DCLK2: variants seen among roughly 807,000 people sequenced by gnomAD.
DCLK2 encodes the protein doublecortin like kinase 2, also known as serine/threonine-protein kinase DCLK2.
In DCLK2, 31 loss-of-function variants were observed where a neutral mutation model predicts 78.4. That is an observed-to-expected ratio of 0.40 (90% confidence interval 0.30 to 0.53). The LOEUF (loss-of-function observed/expected upper bound fraction) is 0.53, where lower values mean the gene tolerates loss of function less well. Among genes scored for constraint, DCLK2 ranks in the 20% least tolerant of loss-of-function variants. The probability of loss-of-function intolerance (pLI) is 0.61; values close to 1 mark genes in which losing one functional copy is unlikely to be tolerated. For missense variants in DCLK2, 872 were observed against 973.7 expected, an observed-to-expected ratio of 0.90 and a Z score of 1.39; for synonymous variants, 407 against 374.9, an observed-to-expected ratio of 1.09 and a Z score of -0.99.
intron 4 of DCLK2, among the ~76,000 whole-genome samples, chr4:150,203,523 A>G (rs544927525): frequency 2.0e-5 from 3 of 151,942 alleles, no homozygotes; most frequent in Admixed American, 2.0e-4. Context: ...CGTTCACATC[A>G]CTAATTCCAT....
chr4:150,191,911 T>C (rs1738483318), intron 2 of DCLK2, among the ~76,000 whole-genome samples: 1 of 152,234 alleles, frequency 6.6e-6, no homozygotes. Flanking sequence ...TTCGGAAAAC[T>C]TAACGAATAT....
intron 2 of DCLK2, among the ~76,000 whole-genome samples, chr4:150,156,780 T>C (rs1735310452): frequency 6.6e-6 from 1 of 150,644 alleles, no homozygotes; most frequent in African/African-American, 2.4e-5. Flanking sequence ...TTTATTTATT[T>C]ATTTATTTAT....
intron 2 of DCLK2, among the ~76,000 whole-genome samples, chr4:150,141,315 GATAGTTC>G (rs1734087507): frequency 6.6e-6 from 1 of 152,156 alleles, no homozygotes; most frequent in Non-Finnish European, 1.5e-5. Flanking sequence ...TTGGCACTTG[GATAGTTC>G]CCTGAAAACT....
At chr4:150,100,137 T>G (rs969828190) in intron 1 of DCLK2, among the ~76,000 whole-genome samples, 10 of 152,200 alleles carry the variant, frequency 6.6e-5, no homozygotes, top group African/African-American at 9.6e-5. Flanking sequence ...TGTCTTGAAC[T>G]CCTGGCCTCA....
chr4:150,244,220 C>A (rs1023407812), intron 12 of DCLK2, among the ~76,000 whole-genome samples: 3 of 152,112 alleles, frequency 2.0e-5, no homozygotes, highest in African/African-American at 7.2e-5. Flanking sequence ...TAGGTGTGAG[C>A]CACTGTGCCT....
intron 10 of DCLK2, 113 bp from the exon 11 acceptor site, chr4:150,239,629 C>A: frequency 7.4e-7 from 1 of 1,356,902 alleles, no homozygotes; most frequent in Non-Finnish European, 1.0e-6. Context: ...GGAGAGATTT[C>A]ATTCGAGTTT....
intron 5 of DCLK2, among the ~76,000 whole-genome samples, chr4:150,217,238 C>G (rs1325824604): frequency 1.3e-5 from 2 of 152,172 alleles, no homozygotes; most frequent in African/African-American, 4.8e-5. Context: ...AAAGTCACAG[C>G]TTTATTTCCT....
chr4:150,247,796 G>C (rs1743446615), intron 13 of DCLK2, 97 bp downstream of exon 13: 2 of 932,640 alleles, frequency 2.1e-6, no homozygotes, highest in Non-Finnish European at 3.3e-6. Flanking sequence ...ATTCCAGAAA[G>C]CTCCTTGGCT....
intron 2 of DCLK2, among the ~76,000 whole-genome samples, chr4:150,165,708 TAC>T (rs995472514): frequency 2.0e-5 from 3 of 152,246 alleles, no homozygotes; most frequent in African/African-American, 7.2e-5. Flanking sequence ...TTGTTACATT[TAC>T]AGTGTTACCT....
At chr4:150,184,050 A>G (rs1737723896) in intron 2 of DCLK2, among the ~76,000 whole-genome samples, 1 of 152,140 alleles carries the variant, frequency 6.6e-6, no homozygotes, top group Non-Finnish European at 1.5e-5. Flanking sequence ...CATTTCAATC[A>G]TTATGCATTC....
chr4:150,171,572 A>T (rs958724488), intron 2 of DCLK2, among the ~76,000 whole-genome samples: 5 of 152,262 alleles, frequency 3.3e-5, no homozygotes, highest in Admixed American at 6.5e-5. Flanking sequence ...ATTAAAATTC[A>T]GCATATTTAA....
Position 150,168,859 on chromosome 4 carries a change from C to T in DCLK2, c.757-24279C>T, listed in dbSNP as rs368867611. Reference sequence around the variant, plus strand: ...TCATTCTGACTGTTGAGCTGGTTACCAAGCCAGTTAGCTCAGTTTTCCCAA... The same window carrying T: ...TCATTCTGACTGTTGAGCTGGTTACTAAGCCAGTTAGCTCAGTTTTCCCAA... On this transcript the variant is annotated intron_variant, in intron 2 of 15. Transcript: ENST00000296550. Among the ~76,000 whole-genome samples, 50 of 152,272 alleles carry T rather than the reference C, an allele frequency of 3.3e-4. No individual in the cohort carries two copies. The South Asian group carries it at 0.01, about 31-fold the overall frequency.
At chr4:150,084,076 C>T (rs779208235) in intron 1 of DCLK2, among the ~76,000 whole-genome samples, 1 of 152,244 alleles carries the variant, frequency 6.6e-6, no homozygotes, top group Non-Finnish European at 1.5e-5. Context: ...CCTAGAGGAA[C>T]AGACATTGGA....
chr4:150,246,481 G>A (rs1460750577), intron 12 of DCLK2, among the ~76,000 whole-genome samples: 1 of 152,178 alleles, frequency 6.6e-6, no homozygotes, highest in Non-Finnish European at 1.5e-5. Context: ...CTTTGAGAGG[G>A]TTGGTAGCAA....
At chr4:150,102,370 C>T (rs1390008379) in intron 1 of DCLK2, 108 bp from the exon 2 acceptor site, 5 of 991,788 alleles carry the variant, frequency 5.0e-6, no homozygotes, top group Non-Finnish European at 7.4e-6. Context: ...TTTAGTGAAC[C>T]CACTAAGGTT....
chr4:150,250,183 G>GA (rs982413589), intron 15 of DCLK2, among the ~76,000 whole-genome samples: 1 of 151,956 alleles, frequency 6.6e-6, no homozygotes, highest in African/African-American at 2.4e-5. Context: ...CATAATCAAG[G>GA]AAAAAAATAT....
rs569310427 is a variant in DCLK2, at chr4:150,131,392, A to G, written c.756+28580A>G. On this transcript the variant is annotated intron_variant, in intron 2 of 15. Transcript: ENST00000296550. The stretch of plus-strand genomic sequence containing the variant: ...GTGTGGGAGGTTTTTAAAAAAGTAG[A>G]TATTCTTTGTATGAAGAAAAACTAT... Among the ~76,000 whole-genome samples the G allele has an allele frequency of 3.3e-5, 5 of 152,274 alleles. 1 individual carries two copies. The South Asian group carries it at 1.0e-3, about 32-fold the overall frequency.
intron 2 of DCLK2, among the ~76,000 whole-genome samples, chr4:150,155,135 G>A (rs1023828745): frequency 2.6e-5 from 4 of 152,200 alleles, no homozygotes; most frequent in African/African-American, 9.6e-5. Flanking sequence ...AGGAGGCTGA[G>A]GTAGAAGGAT....
intron 5 of DCLK2, among the ~76,000 whole-genome samples, chr4:150,210,701 A>C (rs944507599): frequency 1.3e-5 from 2 of 152,146 alleles, no homozygotes; most frequent in Admixed American, 1.3e-4. Flanking sequence ...TAATCCTAGC[A>C]CTTTGGGAGG....
Sources: allele counts gnomAD v4.1 joint callset (sites outside exome capture counted in the v4.1 genomes callset), GRCh38; gene constraint gnomAD v4.1.1; transcripts MANE v1.5; gene names NCBI Gene and HGNC (gene_info 2026-07-23, HGNC 2026-07-21).